The following TRDN variants were observed in gnomAD, a reference collection of about 807,000 sequenced individuals.
TRDN encodes triadin.
In TRDN, 161 loss-of-function variants were observed where a neutral mutation model predicts 149.7. That is an observed-to-expected ratio of 1.08 (90% CI 0.95 to 1.23). The LOEUF is 1.23. Among genes scored for constraint, TRDN ranks in the 50% most tolerant of loss-of-function variants. TRDN has a pLI of 0.00. For missense variants in TRDN, 896 were observed against 823.5 expected (o/e 1.09, Z -1.08); for synonymous variants, 294 against 250.5 (o/e 1.17, Z -1.64).
intron 8 of TRDN, chr6:123,501,716 C>T (rs887239562): frequency 1.3e-5 from 6 of 472,068 alleles, no homozygotes; most frequent in Non-Finnish European, 1.7e-5. Context: ...AATTGTTTAG[C>T]TGATAAAATC....
chr6:123,479,616 A>C (rs932892041), intron 9 of TRDN, among the ~76,000 whole-genome samples: 1 of 152,156 alleles, frequency 6.6e-6, no homozygotes. Context: ...CTGACTTACA[A>C]CTAGGACCCA....
intron 28 of TRDN, 112 bp from the exon 29 acceptor site, chr6:123,273,123 A>G (rs1279859265): frequency 1.3e-6 from 1 of 761,880 alleles, no homozygotes; most frequent in Non-Finnish European, 2.0e-6. Flanking sequence ...TCTTCATATC[A>G]TCCTTGTTTC....
At chr6:123,309,470 A>G (rs1186788691) in intron 24 of TRDN, among the ~76,000 whole-genome samples, 1 of 151,992 alleles carries the variant, frequency 6.6e-6, no homozygotes, top group Non-Finnish European at 1.5e-5. Flanking sequence ...AATAGATAAG[A>G]AAATTAATGT....
At chr6:123,280,858 G>A (rs1252769987) in intron 24 of TRDN, among the ~76,000 whole-genome samples, 2 of 151,676 alleles carry the variant, frequency 1.3e-5, no homozygotes, top group East Asian at 3.9e-4. Context: ...AGATATTTGG[G>A]GACAGTGGTC....
intron 20 of TRDN, among the ~76,000 whole-genome samples, chr6:123,360,016 A>T (rs1277666079): frequency 1.3e-5 from 2 of 151,842 alleles, no homozygotes; most frequent in African/African-American, 4.8e-5. Flanking sequence ...TTTTTTTTTA[A>T]TTTATTTTTT....
rs542794145 is a variant in TRDN, at chr6:123,634,284, A to T, written c.22+2470T>A. ...CGTGTCTTTACAAAAATAATAATAA[A>T]AAAAAAATTAGCCAGGCATGGTGGT... On this transcript the variant is annotated intron_variant, in intron 1 of 40. Transcript: ENST00000334268. 1.8e-4 allele frequency among the ~76,000 whole-genome samples: 28 copies of T among 151,726 alleles called. No homozygotes were observed. In the East Asian group the frequency reaches 2.5e-3, roughly 14 times the overall value.
chr6:123,512,444 G>A, intron 6 of TRDN, 82 bp from the exon 7 acceptor site: 2 of 746,636 alleles, frequency 2.7e-6, no homozygotes, highest in Non-Finnish European at 2.2e-6. Flanking sequence ...TTTCATAAGT[G>A]CTAAAACCTA....
chr6:123,349,581 C>T (rs1780379111), intron 21 of TRDN: 2 of 887,046 alleles, frequency 2.3e-6, no homozygotes, highest in African/African-American at 1.8e-5. Flanking sequence ...TAATTAAATA[C>T]AATTGTGTTA....
At chr6:123,337,392 T>C (rs1488477402) in intron 22 of TRDN, among the ~76,000 whole-genome samples, 3 of 152,070 alleles carry the variant, frequency 2.0e-5, no homozygotes, top group Non-Finnish European at 4.4e-5. Context: ...TTTTCTTTCT[T>C]TTCTCTTTGG....
At chr6:123,319,624 C>T in intron 23 of TRDN, among the ~76,000 whole-genome samples, 1 of 152,028 alleles carries the variant, frequency 6.6e-6, no homozygotes, top group East Asian at 1.9e-4. Context: ...ATTTTTCATT[C>T]TGTCTTCACT....
chr6:123,469,129 ATTAC>A (rs1175409942), intron 9 of TRDN, among the ~76,000 whole-genome samples: 5 of 152,210 alleles, frequency 3.3e-5, no homozygotes, highest in Non-Finnish European at 7.3e-5. Flanking sequence ...AAGCAATAAT[ATTAC>A]TTATGTATTG....
intron 21 of TRDN, among the ~76,000 whole-genome samples, chr6:123,343,879 C>G (rs180791188): frequency 6.6e-6 from 1 of 152,094 alleles, no homozygotes; most frequent in Non-Finnish European, 1.5e-5. Flanking sequence ...TGTTGAAATC[C>G]TACTCCCAAT....
In TRDN at chr6:123,409,643, T is replaced by G. The variant is rs188940517; in HGVS notation, c.1052-15966A>C. Among the ~76,000 whole-genome samples, 33 of 152,128 alleles carry G rather than the reference T, an allele frequency of 2.2e-4. No individual in the cohort carries two copies. In the East Asian group the frequency reaches 5.6e-3, roughly 26 times the overall value. ...TTTTGAACACAAGCATGACATTCACTTCACAAAATGTGCCTTGCTCTGTCA... is the reference window on the plus strand; with the variant it reads ...TTTTGAACACAAGCATGACATTCACGTCACAAAATGTGCCTTGCTCTGTCA... On this transcript the variant is annotated intron_variant, in intron 12 of 40. Transcript: ENST00000334268.
intron 29 of TRDN, 41 bp from the exon 30 acceptor site, chr6:123,271,227 AT>A (rs1489286876): frequency 3.7e-6 from 5 of 1,356,344 alleles, no homozygotes; most frequent in Non-Finnish European, 5.0e-6. Context: ...GGAAATTTGA[AT>A]ACATCAGTGA....
At chr6:123,621,799 A>T (rs1190087079) in intron 1 of TRDN, among the ~76,000 whole-genome samples, 4 of 152,172 alleles carry the variant, frequency 2.6e-5, no homozygotes, top group Non-Finnish European at 5.9e-5. Flanking sequence ...GGTTCCCTGG[A>T]GAGGAAAGTT....
At chr6:123,562,600 T>G (rs962234449) in intron 2 of TRDN, among the ~76,000 whole-genome samples, 1 of 152,224 alleles carries the variant, frequency 6.6e-6, no homozygotes, top group Non-Finnish European at 1.5e-5. Flanking sequence ...TTATAAGCTA[T>G]CCAGTTTATG....
chr6:123,585,421 G>A (rs1043214203), intron 1 of TRDN, among the ~76,000 whole-genome samples: 3 of 152,206 alleles, frequency 2.0e-5, no homozygotes, highest in Admixed American at 1.3e-4. Context: ...CCCTTGAAAA[G>A]AAGGTAATGT....
chr6:123,542,465 T>C (rs566930474), intron 4 of TRDN, among the ~76,000 whole-genome samples: 1 of 152,350 alleles, frequency 6.6e-6, no homozygotes, highest in Non-Finnish European at 1.5e-5. Context: ...AAGCTAGATG[T>C]CAGGAAAAGA....
chr6:123,356,134 T>G (rs922582877), intron 20 of TRDN, among the ~76,000 whole-genome samples: 2 of 151,712 alleles, frequency 1.3e-5, no homozygotes, highest in African/African-American at 4.8e-5. Flanking sequence ...TTTACTGCAC[T>G]GGATGGAAAA....
Sources: gnomAD v4.1 joint callset for allele counts (sites outside exome capture counted in the v4.1 genomes callset) on GRCh38, gnomAD v4.1.1 for gene constraint, MANE v1.5 for transcripts, NCBI Gene and HGNC (gene_info 2026-07-23, HGNC 2026-07-21) for gene names.